UGT2B4: variants seen among roughly 807,000 people sequenced by gnomAD.
The protein encoded by UGT2B4 is UDP glucuronosyltransferase family 2 member B4, also known as UDP-glucuronosyltransferase 2B4.
In UGT2B4, 49 loss-of-function variants were observed where a neutral mutation model predicts 49.8. The ratio of observed to expected loss-of-function variants is 0.98; its 90% CI spans 0.78 to 1.25. The LOEUF (loss-of-function observed/expected upper bound fraction) is 1.25, where lower values mean the gene tolerates loss of function less well. Among genes scored for constraint, UGT2B4 ranks in the 50% most tolerant of loss-of-function variants. The pLI, the probability that UGT2B4 is intolerant of heterozygous loss-of-function variation, is 0.00. For missense variants in UGT2B4, 729 were observed against 627.7 expected (o/e 1.16, Z -1.73); for synonymous variants, 246 against 217.7 (o/e 1.13, Z -1.14).
intron 5 of UGT2B4, among the ~76,000 whole-genome samples, chr4:69,481,438 A>C (rs1441556519): frequency 6.6e-6 from 1 of 152,234 alleles, no homozygotes; most frequent in East Asian, 1.9e-4. Flanking sequence ...ATAATTGACA[A>C]ATATTTTTAA....
chr4:69,484,211 C>T (rs931183971), intron 5 of UGT2B4, among the ~76,000 whole-genome samples: 3 of 151,966 alleles, frequency 2.0e-5, no homozygotes, highest in African/African-American at 7.2e-5. Flanking sequence ...GTGGTAATGA[C>T]AAATGGAACA....
chr4:69,510,562 T>A (rs1278692410), intron 1 of UGT2B4, among the ~76,000 whole-genome samples: 1 of 152,166 alleles, frequency 6.6e-6, no homozygotes, highest in East Asian at 1.9e-4. Flanking sequence ...CACTTTCACC[T>A]ACTTGTTTAT....
chr4:69,503,394 C>G (rs1221513686), intron 1 of UGT2B4, among the ~76,000 whole-genome samples: 3 of 152,204 alleles, frequency 2.0e-5, no homozygotes, highest in African/African-American at 7.2e-5. Flanking sequence ...ACTGCAGCTT[C>G]TCCTGAGTCC....
chr4:69,519,450 G>A (rs917242085), intron 1 of UGT2B4, among the ~76,000 whole-genome samples: 39 of 152,194 alleles, frequency 2.6e-4, no homozygotes, highest in African/African-American at 9.2e-4. Context: ...AAAAGGCAGC[G>A]TTTTAAGATA....
chr4:69,492,048 C>T lies in UGT2B4; in HGVS notation c.870+1645G>A, dbSNP rs41300014. Reference sequence around the variant, plus strand: ...TTAAAATATATTACATTCTTATATTCCTCCATAAAGAATATAATGTTATAT... The same window carrying T: ...TTAAAATATATTACATTCTTATATTTCTCCATAAAGAATATAATGTTATAT... On this transcript the variant is annotated intron_variant, in intron 2 of 5. Transcript: ENST00000305107. Among the ~76,000 whole-genome samples the T allele has an allele frequency of 7.3e-4, 111 of 152,022 alleles. No individual in the cohort carries two copies. The East Asian group carries it at 0.02, about 27-fold the overall frequency.
At chr4:69,497,198 G>C (rs1728191999), upstream of UGT2B4, among the ~76,000 whole-genome samples, 1 of 152,150 alleles carries the variant, frequency 6.6e-6, no homozygotes, top group African/African-American at 2.4e-5. Flanking sequence ...CAGCTGGTCT[G>C]AGGGACCTCC....
intron 1 of UGT2B4, among the ~76,000 whole-genome samples, chr4:69,518,735 A>G (rs557904967): frequency 9.8e-5 from 15 of 152,300 alleles, no homozygotes; most frequent in Middle Eastern, 3.4e-3. Context: ...CCATTGCCCA[A>G]TAAGTCCAGG....
upstream of UGT2B4, among the ~76,000 whole-genome samples, chr4:69,497,088 CATCTTAACTGTTCT>C (rs376655032): frequency 8.5e-3 from 1,289 of 152,212 alleles, 21 homozygotes; most frequent in African/African-American, 0.029. Flanking sequence ...GATTAAAGTT[CATCTTAACTGTTCT>C]ATAGATAATA....
At chr4:69,503,249 A>T (rs1728389285) in intron 1 of UGT2B4, among the ~76,000 whole-genome samples, 1 of 152,126 alleles carries the variant, frequency 6.6e-6, no homozygotes, top group Non-Finnish European at 1.5e-5. Context: ...CCTGGCCATG[A>T]CTGCTTACAG....
chr4:69,486,823 T>G (rs1026821723), intron 3 of UGT2B4, 127 bp from the exon 4 acceptor site: 5 of 585,554 alleles, frequency 8.5e-6, no homozygotes, highest in Admixed American at 3.2e-5. Flanking sequence ...CTCAGACTGA[T>G]GTAAATAGAA....
exon 1 of UGT2B4, chr4:69,526,012 A>G (rs1728976692): frequency 1.2e-5 from 2 of 163,704 alleles, no homozygotes; most frequent in African/African-American, 4.9e-5. Context: ...GAGGCAGGAG[A>G]ATGGCGTGAA....
At chr4:69,525,278 A>G (rs894678907) in intron 1 of UGT2B4, among the ~76,000 whole-genome samples, 1 of 152,168 alleles carries the variant, frequency 6.6e-6, no homozygotes, top group African/African-American at 2.4e-5. Flanking sequence ...GTATGAGACC[A>G]TAAGGGCTGG....
intron 1 of UGT2B4, among the ~76,000 whole-genome samples, chr4:69,508,257 T>C (rs981040965): frequency 3.3e-5 from 5 of 151,638 alleles, no homozygotes; most frequent in Admixed American, 1.3e-4. Flanking sequence ...CTTTGGGGAG[T>C]ATAAATTAAT....
chr4:69,483,657 T>C (rs1283634548), intron 5 of UGT2B4, among the ~76,000 whole-genome samples: 3 of 152,174 alleles, frequency 2.0e-5, no homozygotes, highest in Admixed American at 2.0e-4. Context: ...TAAAGTACTT[T>C]TAAAGTATTC....
chr4:69,497,085 G>T (rs189013561), upstream of UGT2B4, among the ~76,000 whole-genome samples: 225 of 152,234 alleles, frequency 1.5e-3, no homozygotes, highest in African/African-American at 5.2e-3. Context: ...CAAGATTAAA[G>T]TTCATCTTAA....
intron 1 of UGT2B4, among the ~76,000 whole-genome samples, chr4:69,510,982 C>CTTTTTTTTTTTTTTTTTTTTTTTTT: frequency 1.8e-5 from 2 of 111,014 alleles, no homozygotes; most frequent in Non-Finnish European, 1.8e-5. Flanking sequence ...TCTTTCTTTT[C>CTTTTTTTTTTTTTTTTTTTTTTTTT]TTTTCTTCTT....
intron 1 of UGT2B4, among the ~76,000 whole-genome samples, chr4:69,523,528 C>A (rs549031719): frequency 6.9e-6 from 1 of 144,990 alleles, no homozygotes; most frequent in South Asian, 2.2e-4. Context: ...TTAAAATATT[C>A]AGTAAATCAT....
rs1396688540 is a variant in UGT2B4 at position 69,521,858 on chromosome 4, T to A, written c.-106+3829A>T. Among the ~76,000 whole-genome samples the A allele has an allele frequency of 2.0e-5, 3 of 152,200 alleles. No individual in the cohort carries two copies. In the East Asian group the frequency reaches 5.8e-4, roughly 29 times the overall value. ...TTCTATAAAGCAGGAATTTTCTCAA[T>A]TATAAGCAGAATATAACAATTACCC... On this transcript the variant is annotated intron_variant, in intron 1 of 1. Transcript: ENST00000510114.
At chr4:69,501,627 C>T (rs925123461) in intron 1 of UGT2B4, among the ~76,000 whole-genome samples, 7 of 152,078 alleles carry the variant, frequency 4.6e-5, no homozygotes, top group African/African-American at 1.7e-4. Context: ...TGGGTGGAGT[C>T]TCCCAACAGG....
Sources: gnomAD v4.1 joint callset for allele counts (sites outside exome capture counted in the v4.1 genomes callset) on GRCh38, gnomAD v4.1.1 for gene constraint, MANE v1.5 for transcripts, NCBI Gene and HGNC (gene_info 2026-07-23, HGNC 2026-07-21) for gene names.